SSH1: variants seen among roughly 807,000 people sequenced by gnomAD.
SSH1 encodes slingshot protein phosphatase 1.
SSH1 carries 43 observed loss-of-function variants against 79.7 expected under a neutral mutation model. The ratio of observed to expected loss-of-function variants is 0.54; its 90% CI spans 0.42 to 0.70. SSH1 has a LOEUF of 0.70. Ranked by LOEUF, SSH1 falls within the 30% of genes least tolerant of loss-of-function variation. SSH1 has a pLI of 0.00. For missense variants in SSH1, 1,206 were observed against 1,358.8 expected (o/e 0.89, Z 1.77); for synonymous variants, 599 against 538.3 (o/e 1.11, Z -1.56).
intron 10 of SSH1, among the ~76,000 whole-genome samples, chr12:108,803,046 G>A (rs2037090555): frequency 1.4e-5 from 2 of 142,548 alleles, no homozygotes; most frequent in South Asian, 2.4e-4. Context: ...CAAATACCAT[G>A]TAAGGAAAAA....
intron 3 of SSH1, among the ~76,000 whole-genome samples, chr12:108,820,408 T>C (rs1209961706): frequency 6.6e-6 from 1 of 152,156 alleles, no homozygotes; most frequent in Non-Finnish European, 1.5e-5. Context: ...ACAACGACCA[T>C]GAGCTGGTTC....
At chr12:108,795,027 C>G (rs533309708) in intron 13 of SSH1, among the ~76,000 whole-genome samples, 2 of 152,294 alleles carry the variant, frequency 1.3e-5, no homozygotes, top group South Asian at 4.1e-4. Flanking sequence ...CCCCCTACCC[C>G]GCTTCACATG....
chr12:108,849,078 G>A (rs1295269153), intron 2 of SSH1, among the ~76,000 whole-genome samples: 1 of 152,210 alleles, frequency 6.6e-6, no homozygotes, highest in Non-Finnish European at 1.5e-5. Flanking sequence ...CTTGGCATTA[G>A]AGGTCTCGCT....
intron 3 of SSH1, among the ~76,000 whole-genome samples, chr12:108,820,660 G>C (rs2038083116): frequency 6.6e-6 from 1 of 152,152 alleles, no homozygotes; most frequent in Admixed American, 6.5e-5. Flanking sequence ...GTCTCAAATT[G>C]ACTGGACTGG....
Position 108,835,957 on chromosome 12 carries a change from G to A in SSH1, c.111-12596C>T, listed in dbSNP as rs797013737. On this transcript the variant is annotated intron_variant, in intron 2 of 14. Transcript: ENST00000326495. ...CAATTATAACTATATTAATATAATC[G>A]ATTATAACTATATTAATATAATCGA... is the stretch of plus-strand genomic sequence containing the variant. 1.7e-3 allele frequency among the ~76,000 whole-genome samples: 140 copies of A among 83,472 alleles called. 7 individuals carry two copies. The highest frequency in any genetic ancestry group is 4.9e-3 in the African/African-American group (95 of 19,288). The allele number at this position is 83,472 out of a possible 152,430, so 54.8% of individuals were successfully genotyped here.
chr12:108,825,299 G>A (rs1457707921), intron 2 of SSH1, among the ~76,000 whole-genome samples: 1 of 152,168 alleles, frequency 6.6e-6, no homozygotes, highest in African/African-American at 2.4e-5. Flanking sequence ...GATCACCTTT[G>A]CCCCAGACAT....
intron 1 of SSH1, chr12:108,853,167 C>T (rs2039078796): frequency 1.6e-5 from 16 of 985,368 alleles, no homozygotes; most frequent in Non-Finnish European, 1.9e-5. Context: ...GGAATCAGGC[C>T]GTCTGTTTGT....
chr12:108,782,480 G>T lies in SSH1; in HGVS notation c.*5508C>A, dbSNP rs981122988. 6.6e-6 allele frequency: 1 copy of T among 151,986 alleles called. No individual in the cohort carries two copies. The highest frequency in any genetic ancestry group is 2.4e-5 in the African/African-American group (1 of 41,376). The allele number at this position is 151,986 out of a possible 1,614,324, so 9.4% of individuals were successfully genotyped here. ...CTGTTCTTGCTTACTGACAAAATTAGAAAGAAAACAGACTAGTTCCAGGAG... is the reference window on the plus strand; with the variant it reads ...CTGTTCTTGCTTACTGACAAAATTATAAAGAAAACAGACTAGTTCCAGGAG... On this transcript the variant is annotated 3_prime_UTR_variant, in exon 15 of 15. Transcript: ENST00000326495.
intron 5 of SSH1, among the ~76,000 whole-genome samples, chr12:108,812,269 T>A (rs932224102): frequency 2.0e-5 from 3 of 152,164 alleles, no homozygotes; most frequent in Non-Finnish European, 4.4e-5. Context: ...CACTGAAAAA[T>A]AAAATTTATT....
chr12:108,790,494 T>C (rs1488744868), intron 14 of SSH1, among the ~76,000 whole-genome samples: 1 of 151,798 alleles, frequency 6.6e-6, no homozygotes. Context: ...ATGTTGGTCA[T>C]GCTGGTCTCA....
chr12:108,841,420 C>T (rs985671605), intron 2 of SSH1, among the ~76,000 whole-genome samples: 3 of 152,218 alleles, frequency 2.0e-5, no homozygotes, highest in African/African-American at 7.2e-5. Context: ...TTTACGTTAA[C>T]CTTAATGAAA....
intron 13 of SSH1, among the ~76,000 whole-genome samples, chr12:108,794,293 T>C (rs1232229604): frequency 2.0e-5 from 3 of 152,218 alleles, no homozygotes; most frequent in African/African-American, 7.2e-5. Context: ...CCTGGGGTAC[T>C]GGAACTACGG....
Position 108,792,562 on chromosome 12 carries a change from A to G in SSH1, c.1617T>C (p.Ala539=). The change falls in exon 14 of 15, where the codon GCT becomes GCC. Residue 539 remains alanine, a synonymous_variant. Coordinates refer to ENST00000326495, the MANE Select transcript of SSH1 (RefSeq NM_018984.4). ...LVHLEDPERE[A]LLEEAAPPAE... Reference sequence around the variant, plus strand: ...CAGGTGGAGCAGCTTCCTCCAACAGAGCCTCCCTCTCCGGATCCTCCAGGT... The same window carrying G: ...CAGGTGGAGCAGCTTCCTCCAACAGGGCCTCCCTCTCCGGATCCTCCAGGT... 3 of 1,613,904 alleles carry G rather than the reference A, an allele frequency of 1.9e-6. No individual in the cohort carries two copies. Among genetic ancestry groups the G allele is most frequent in the African/African-American group, 1.3e-5 (1 of 74,992 alleles).
In SSH1 at chr12:108,781,949, A is replaced by G. The variant is rs1002199104; in HGVS notation, c.*6039T>C. 1 of 152,046 alleles carries G rather than the reference A, an allele frequency of 6.6e-6. No individual in the cohort carries two copies. The highest frequency in any genetic ancestry group is 1.5e-5 in the Non-Finnish European group (1 of 68,016). The allele number at this position is 152,046 out of a possible 1,614,324, so 9.4% of individuals were successfully genotyped here. On this transcript the variant is annotated 3_prime_UTR_variant, in exon 15 of 15. Coordinates refer to ENST00000326495, the MANE Select transcript of SSH1 (RefSeq NM_018984.4). ...GGCAGCAAAGCGAGACTTCATGTCT[A>G]TAATAAATTGTAAAAATTAGCGGGG...
rs760748951 is a variant in SSH1 at position 108,792,316 on chromosome 12, G to A, written c.1863C>T (p.Asn621=). The change falls in exon 14 of 15, where the codon AAC becomes AAT. Residue 621 remains asparagine, a synonymous_variant. Coordinates refer to ENST00000326495, the MANE Select transcript of SSH1 (RefSeq NM_018984.4). ...NLLNSENLNN[N]SKRSCPNGME... Reference sequence around the variant, plus strand: ...TGCCGTTGGGACAGCTCCTCTTGCTGTTGTTGTTTAGGTTCTCCGAGTTGA... The same window carrying A: ...TGCCGTTGGGACAGCTCCTCTTGCTATTGTTGTTTAGGTTCTCCGAGTTGA... 32 of 1,614,174 alleles carry A rather than the reference G, an allele frequency of 2.0e-5. No homozygotes were observed. Among genetic ancestry groups the A allele is most frequent in the Non-Finnish European group, 2.6e-5 (31 of 1,180,002 alleles).
intron 10 of SSH1, 134 bp from the exon 11 acceptor site, chr12:108,802,502 G>C (rs997299171): frequency 4.4e-5 from 33 of 755,512 alleles, no homozygotes; most frequent in Non-Finnish European, 7.2e-5. Context: ...AGAACAGAGA[G>C]AACCAGCGGC....
chr12:108,788,739 G>A lies in SSH1; in HGVS notation c.2399C>T (p.Pro800Leu), dbSNP rs779309682. 17 of 1,614,106 alleles carry A rather than the reference G, an allele frequency of 1.1e-5. No individual in the cohort carries two copies. The highest frequency in any genetic ancestry group is 1.7e-5 in the Admixed American group (1 of 60,010). Residue 800 changes from proline (P) to leucine (L), a missense_variant, in exon 15 of 15, where the codon CCG becomes CTG. By Grantham distance (98) the Pro-to-Leu change is moderately conservative (BLOSUM62 -3). Around this residue, in one of 5 missense-constraint regions of SSH1, gnomAD observed 709 missense variants for 730.6 expected, o/e 0.97. Transcript: ENST00000326495. Reference sequence around the variant, plus strand: ...CTGCATCAGGTAGCTGTTGGTTGTCGGCTTCTCAGATTCATTACTGAACAG... The same window carrying A: ...CTGCATCAGGTAGCTGTTGGTTGTCAGCTTCTCAGATTCATTACTGAACAG... ...RLLFSNESEK[P>L]TTNSYLMQHQ...
At chr12:108,846,015 T>C (rs758809343) in intron 2 of SSH1, among the ~76,000 whole-genome samples, 6 of 152,114 alleles carry the variant, frequency 3.9e-5, no homozygotes, top group African/African-American at 1.2e-4. Flanking sequence ...ACTCTGACAC[T>C]GTAGGGGAGG....
In SSH1 at chr12:108,780,494, G is replaced by A. The variant is rs893662352; in HGVS notation, c.*7494C>T. 2.0e-5 allele frequency: 3 copies of A among 152,214 alleles called. No individual in the cohort carries two copies. Among genetic ancestry groups the A allele is most frequent in the African/African-American group, 4.8e-5 (2 of 41,452 alleles). 9.4% of individuals were successfully genotyped at this position (152,214 alleles called of 1,614,324 possible). On this transcript the variant is annotated 3_prime_UTR_variant, in exon 15 of 15. Transcript: ENST00000326495. ...ATGTGTGCAATGTAATTAGCAAAGC[G>A]TGAGCCTACTCAGTTGCATCATATT...
Sources: gnomAD v4.1 joint callset for allele counts (sites outside exome capture counted in the v4.1 genomes callset) on GRCh38, gnomAD v4.1.1 for gene constraint, gnomAD v4.1.1 regional missense constraint, MANE v1.5 for transcripts, NCBI Gene and HGNC (gene_info 2026-07-23, HGNC 2026-07-21) for gene names.